The following ENPP2 variants were observed in gnomAD, a reference collection of about 807,000 sequenced individuals.
ENPP2 encodes ectonucleotide pyrophosphatase/phosphodiesterase 2, also known as autotaxin.
A neutral mutation model predicts 120.2 loss-of-function variants in ENPP2; 51 were observed. The ratio of observed to expected loss-of-function variants is 0.42; its 90% CI spans 0.34 to 0.54. ENPP2 has a LOEUF of 0.54. Among genes scored for constraint, ENPP2 ranks in the 20% least tolerant of loss-of-function variants. ENPP2 has a pLI of 0.04. For missense variants in ENPP2, 920 were observed against 1,066.5 expected (o/e 0.86, Z 1.91); for synonymous variants, 365 against 366.4 (o/e 1.00, Z 0.04).
intron 1 of ENPP2, 59 bp from the exon 2 acceptor site, chr8:119,638,586 C>A: frequency 8.9e-7 from 1 of 1,129,940 alleles, no homozygotes; most frequent in South Asian, 1.2e-5. Flanking sequence ...AATCAAATTA[C>A]ACAAAGGTGA....
intron 13 of ENPP2, among the ~76,000 whole-genome samples, chr8:119,587,502 C>T (rs1017633349): frequency 6.6e-6 from 1 of 152,184 alleles, no homozygotes; most frequent in Non-Finnish European, 1.5e-5. Flanking sequence ...AACAAGTCTT[C>T]ACCCACTTTA....
intron 23 of ENPP2, 81 bp from the exon 24 acceptor site, chr8:119,563,094 T>C (rs983303861): frequency 4.9e-6 from 6 of 1,224,082 alleles, no homozygotes; most frequent in African/African-American, 3.0e-5. Context: ...TCAATGAATA[T>C]TGCCTAAGTC....
chr8:119,572,570 G>C (rs1386996435), intron 19 of ENPP2: 2 of 265,168 alleles, frequency 7.5e-6, no homozygotes, highest in African/African-American at 4.3e-5. Context: ...CACAATTGTT[G>C]TTAGCAACAT....
chr8:119,627,111 A>G (rs1299168770), intron 2 of ENPP2, among the ~76,000 whole-genome samples: 1 of 152,190 alleles, frequency 6.6e-6, no homozygotes, highest in Non-Finnish European at 1.5e-5. Flanking sequence ...CACAGAGAAC[A>G]GTACCTTGAT....
At chr8:119,581,763 C>CT (rs35114182) in intron 18 of ENPP2, among the ~76,000 whole-genome samples, 34,815 of 141,038 alleles carry the variant, frequency 0.25, 4,709 homozygotes, top group South Asian at 0.37. Flanking sequence ...TTTTCATTTC[C>CT]TTTTTTTTTT....
At chr8:119,585,183 A>C (rs1329882401) in intron 15 of ENPP2, among the ~76,000 whole-genome samples, 1 of 152,188 alleles carries the variant, frequency 6.6e-6, no homozygotes, top group Non-Finnish European at 1.5e-5. Flanking sequence ...TCACATCCCA[A>C]TTAATTTACC....
At chr8:119,617,055 A>T in intron 7 of ENPP2, 109 bp downstream of exon 7, 1 of 724,460 alleles carries the variant, frequency 1.4e-6, no homozygotes, top group South Asian at 1.7e-5. Context: ...AAACAGAAAG[A>T]TTTTCTTTGA....
intron 1 of ENPP2, among the ~76,000 whole-genome samples, chr8:119,671,233 G>A (rs1818238107): frequency 6.6e-6 from 1 of 152,038 alleles, no homozygotes; most frequent in Non-Finnish European, 1.5e-5. Context: ...CCCGGGAGGT[G>A]GAAGTTGCAG....
At chr8:119,572,046 G>T in intron 19 of ENPP2, 1 of 672,558 alleles carries the variant, frequency 1.5e-6, no homozygotes. Flanking sequence ...CCACCCCTAA[G>T]GATTAGAACA....
At chr8:119,635,608 C>T (rs1816951766) in intron 2 of ENPP2, among the ~76,000 whole-genome samples, 1 of 152,220 alleles carries the variant, frequency 6.6e-6, no homozygotes, top group South Asian at 2.1e-4. Flanking sequence ...CAAACTAAAT[C>T]ACAGTTATGG....
intron 3 of ENPP2, among the ~76,000 whole-genome samples, chr8:119,626,008 G>A (rs1816247548): frequency 6.6e-6 from 1 of 152,132 alleles, no homozygotes; most frequent in African/African-American, 2.4e-5. Flanking sequence ...ACGATAAGAT[G>A]AAGTGAAACA....
At chr8:119,644,991 G>A (rs1321386150) in intron 1 of ENPP2, among the ~76,000 whole-genome samples, 2 of 152,010 alleles carry the variant, frequency 1.3e-5, no homozygotes, top group Non-Finnish European at 2.9e-5. Context: ...ACACAAATGA[G>A]TGACAGGATA....
intron 12 of ENPP2, among the ~76,000 whole-genome samples, chr8:119,592,062 A>G (rs1813544092): frequency 6.6e-6 from 1 of 152,164 alleles, no homozygotes; most frequent in African/African-American, 2.4e-5. Flanking sequence ...TAATGTTCTC[A>G]CCTGACAGAT....
chr8:119,604,534 C>T (rs560442203), intron 9 of ENPP2, among the ~76,000 whole-genome samples: 3 of 151,622 alleles, frequency 2.0e-5, no homozygotes, highest in East Asian at 3.9e-4. Context: ...GCTGTCTTCA[C>T]CACCACTGAT....
chr8:119,647,546 T>C lies in ENPP2; in HGVS notation c.22-9019A>G, dbSNP rs115920998. Among the ~76,000 whole-genome samples, 1,478 of 152,342 alleles carry C rather than the reference T, an allele frequency of 9.7e-3. 24 individuals carry two copies. Among genetic ancestry groups the C allele is most frequent in the African/African-American group, 0.034 (1,402 of 41,578 alleles). On this transcript the variant is annotated intron_variant, in intron 1 of 25. Coordinates refer to the ENPP2 transcript ENST00000427067. ...GAGAGTTAGCAGGCTAAGTGGCTTT[T>C]AGCCATATTTTTTAACATTAAAACT...
At chr8:119,650,393 A>G (rs763161920) in intron 1 of ENPP2, among the ~76,000 whole-genome samples, 3 of 152,218 alleles carry the variant, frequency 2.0e-5, no homozygotes, top group Admixed American at 2.0e-4. Context: ...CTAAAATTGC[A>G]TAATGGTGAT....
At chr8:119,615,670 G>A (rs1413242084) in intron 8 of ENPP2, among the ~76,000 whole-genome samples, 2 of 152,130 alleles carry the variant, frequency 1.3e-5, no homozygotes, top group African/African-American at 4.8e-5. Context: ...AAAAATTCAT[G>A]AATTTACTGT....
intron 2 of ENPP2, 77 bp downstream of exon 2, chr8:119,638,348 T>C (rs1171852335): frequency 1.2e-5 from 9 of 766,210 alleles, no homozygotes; most frequent in East Asian, 2.5e-5. Flanking sequence ...AAAATAAATA[T>C]TTTAATAAGC....
chr8:119,617,409 G>C (rs939422429), intron 6 of ENPP2, 57 bp downstream of exon 6: 3 of 1,276,136 alleles, frequency 2.4e-6, no homozygotes, highest in Non-Finnish European at 3.4e-6. Flanking sequence ...ACAGCCCACT[G>C]GTTAGTGTGG....
Sources: gnomAD v4.1 joint callset for allele counts (sites outside exome capture counted in the v4.1 genomes callset) on GRCh38, gnomAD v4.1.1 for gene constraint, MANE v1.5 for transcripts, NCBI Gene and HGNC (gene_info 2026-07-23, HGNC 2026-07-21) for gene names.